AUH: variants seen among roughly 807,000 people sequenced by gnomAD.
AUH encodes the protein methylglutaconyl-CoA hydratase, mitochondrial.
A neutral mutation model predicts 42.3 loss-of-function variants in AUH; 29 were observed. The observed-to-expected ratio is 0.69, with a 90% CI of 0.51 to 0.93. The LOEUF (loss-of-function observed/expected upper bound fraction) is 0.93. Among genes scored for constraint, AUH ranks in the 40% least tolerant of loss-of-function variants. The pLI is 0.00. For synonymous variants in AUH, 174 were observed against 166.4 expected (o/e 1.05, Z -0.35); for missense variants, 452 against 438.1 (o/e 1.03, Z -0.28).
chr9:91,222,526 C>T (rs1031565388), intron 6 of AUH, among the ~76,000 whole-genome samples: 3 of 152,080 alleles, frequency 2.0e-5, no homozygotes, highest in South Asian at 4.1e-4. Context: ...AGTGTTTACT[C>T]GATACGGCAG....
At chr9:91,301,004 T>C (rs1350669738) in intron 4 of AUH, among the ~76,000 whole-genome samples, 1 of 152,272 alleles carries the variant, frequency 6.6e-6, no homozygotes, top group Non-Finnish European at 1.5e-5. Flanking sequence ...TTCTTACTAA[T>C]CTGGGACAAA....
chr9:91,265,276 CA>C (rs1401539159), intron 6 of AUH, among the ~76,000 whole-genome samples: 1 of 138,862 alleles, frequency 7.2e-6, no homozygotes. Context: ...TTTGCTCTTG[CA>C]TTTTTTTTTT....
At chr9:91,243,882 CA>C (rs1339976682) in intron 6 of AUH, among the ~76,000 whole-genome samples, 1 of 152,116 alleles carries the variant, frequency 6.6e-6, no homozygotes, top group Non-Finnish European at 1.5e-5. Context: ...AATCATCAAA[CA>C]CTCTGTAAAA....
chr9:91,228,011 T>C (rs1827622978), intron 6 of AUH, among the ~76,000 whole-genome samples: 1 of 152,196 alleles, frequency 6.6e-6, no homozygotes, highest in African/African-American at 2.4e-5. Flanking sequence ...GGTCTAAAAT[T>C]CTCTTTTTTG....
At chr9:91,263,749 A>C (rs1178504961) in intron 6 of AUH, among the ~76,000 whole-genome samples, 1 of 152,178 alleles carries the variant, frequency 6.6e-6, no homozygotes, top group Non-Finnish European at 1.5e-5. Context: ...ATCCCTAAAT[A>C]GTAAACTTGT....
chr9:91,308,654 T>C (rs1828423737), intron 4 of AUH, among the ~76,000 whole-genome samples: 1 of 152,140 alleles, frequency 6.6e-6, no homozygotes, highest in South Asian at 2.1e-4. Flanking sequence ...ATAAGCTACA[T>C]TACATATTTT....
intron 6 of AUH, among the ~76,000 whole-genome samples, chr9:91,242,560 C>T (rs1828578671): frequency 6.6e-6 from 1 of 152,208 alleles, no homozygotes; most frequent in Admixed American, 6.5e-5. Flanking sequence ...ATGAAAAACA[C>T]ACCGTACTTG....
At chr9:91,246,366 C>A (rs1828794237) in intron 6 of AUH, among the ~76,000 whole-genome samples, 1 of 152,190 alleles carries the variant, frequency 6.6e-6, no homozygotes, top group Non-Finnish European at 1.5e-5. Flanking sequence ...CAAACCAAAC[C>A]AAACAAGCCC....
chr9:91,235,260 TACA>T (rs1828111029), intron 6 of AUH, among the ~76,000 whole-genome samples: 3 of 152,066 alleles, frequency 2.0e-5, no homozygotes, highest in African/African-American at 2.4e-5. Flanking sequence ...GTCACCCAAG[TACA>T]ACAGGATGGC....
At chr9:91,268,092 A>T (rs1830074409) in intron 6 of AUH, among the ~76,000 whole-genome samples, 1 of 152,204 alleles carries the variant, frequency 6.6e-6, no homozygotes, top group Non-Finnish European at 1.5e-5. Context: ...CCACAGAGTC[A>T]ACCTCCACTC....
intron 4 of AUH, among the ~76,000 whole-genome samples, chr9:91,316,465 C>G (rs989925765): frequency 6.6e-6 from 1 of 152,154 alleles, no homozygotes; most frequent in Non-Finnish European, 1.5e-5. Context: ...AATACTTTTC[C>G]TAAGCAGTTA....
intron 6 of AUH, among the ~76,000 whole-genome samples, chr9:91,273,444 CTA>C (rs1825314122): frequency 6.6e-6 from 1 of 152,156 alleles, no homozygotes; most frequent in African/African-American, 2.4e-5. Context: ...CAGGATTCCA[CTA>C]TAACTGACTA....
chr9:91,336,583 T>C lies in AUH; in HGVS notation c.419-11179A>G, dbSNP rs201847435. Among the ~76,000 whole-genome samples the C allele has an allele frequency of 3.3e-5, 5 of 151,490 alleles. No homozygotes were observed. The East Asian group carries it at 7.7e-4, about 23-fold the overall frequency. ...ATGCGGAGGTTGCAGTGAGCCGTGA[T>C]TGCACCACTGTACTGCACTCCAGCC... On this transcript the variant is annotated intron_variant, in intron 3 of 9. Transcript: ENST00000375731.
At chr9:91,235,793 A>C (rs1235121730) in intron 6 of AUH, among the ~76,000 whole-genome samples, 1 of 152,210 alleles carries the variant, frequency 6.6e-6, no homozygotes, top group Non-Finnish European at 1.5e-5. Context: ...CACTGAAATA[A>C]AGACATTCAG....
At position 91,214,043 on chromosome 9, in the gene AUH, A is replaced by G. The variant is rs1826685719; in HGVS notation, c.*305T>C. 1 of 307,924 alleles carries G rather than the reference A, an allele frequency of 3.2e-6. No homozygotes were observed. Among genetic ancestry groups the G allele is most frequent in the Admixed American group, 4.5e-5 (1 of 21,992 alleles). 19.1% of individuals were successfully genotyped at this position (307,924 alleles called of 1,614,324 possible). On this transcript the variant is annotated 3_prime_UTR_variant, in exon 10 of 10. Coordinates refer to ENST00000375731, the MANE Select transcript of AUH (RefSeq NM_001698.3). ...TTATTCCCTAGAATGTGCAATATAT[A>G]AATTATTCACATTAAAAAATTAACA...
At chr9:91,275,845 C>T (rs942164292) in intron 6 of AUH, among the ~76,000 whole-genome samples, 1 of 152,294 alleles carries the variant, frequency 6.6e-6, no homozygotes, top group Admixed American at 6.5e-5. Context: ...GCTGACAATG[C>T]ATTATCATTT....
At chr9:91,301,055 A>T (rs887210783) in intron 4 of AUH, among the ~76,000 whole-genome samples, 5 of 152,192 alleles carry the variant, frequency 3.3e-5, no homozygotes, top group Admixed American at 2.6e-4. Flanking sequence ...TTATTATATT[A>T]ATCCTGGTAT....
chr9:91,290,958 A>C (rs1287074104), intron 6 of AUH, among the ~76,000 whole-genome samples: 1 of 152,172 alleles, frequency 6.6e-6, no homozygotes, highest in East Asian at 1.9e-4. Context: ...ACCTCTGAAC[A>C]ACTGAAATTT....
chr9:91,353,602 G>A (rs1042405527), intron 3 of AUH, among the ~76,000 whole-genome samples: 6 of 151,780 alleles, frequency 4.0e-5, no homozygotes, highest in African/African-American at 7.3e-5. Context: ...CTCTTTGGGA[G>A]GCCGAGGTGA....
Sources: allele counts gnomAD v4.1 joint callset (sites outside exome capture counted in the v4.1 genomes callset), GRCh38; gene constraint gnomAD v4.1.1; transcripts MANE v1.5; gene names NCBI Gene and HGNC (gene_info 2026-07-23, HGNC 2026-07-21).